The following CFAP47 variants were observed in gnomAD, a reference collection of about 807,000 sequenced individuals.
The protein encoded by CFAP47 is cilia and flagella associated protein 47, also known as cilia- and flagella-associated protein 47.
CFAP47 carries 29 observed loss-of-function variants against 148.1 expected under a neutral mutation model. That is an observed-to-expected ratio of 0.20 (90% confidence interval 0.15 to 0.27). The LOEUF (loss-of-function observed/expected upper bound fraction) is 0.27. Ranked by LOEUF, CFAP47 falls within the 10% of genes least tolerant of loss-of-function variation. The pLI is 1.00. For missense variants in CFAP47, 1,872 were observed against 1,697.5 expected, an observed-to-expected ratio of 1.10 and a Z score of -1.81; for synonymous variants, 664 against 577.3, an observed-to-expected ratio of 1.15 and a Z score of -2.15.
chrX:36,103,824 A>G (rs1938422489), intron 32 of CFAP47, among the ~76,000 whole-genome samples: 1 of 111,719 alleles, frequency 9.0e-6, no homozygotes, highest in Non-Finnish European at 1.9e-5. Flanking sequence ...GAACTTGTAG[A>G]CAATGGTTAG....
At chrX:36,372,220 T>G (rs782168370) in intron 62 of CFAP47, among the ~76,000 whole-genome samples, 59 of 110,066 alleles carry the variant, frequency 5.4e-4, no homozygotes, top group Non-Finnish European at 4.6e-4. Flanking sequence ...TGATGGCATA[T>G]AAAGAAAACT....
chrX:36,271,709 G>A (rs1389612227), intron 49 of CFAP47, among the ~76,000 whole-genome samples: 1 of 111,939 alleles, frequency 8.9e-6, no homozygotes, highest in Non-Finnish European at 1.9e-5. Context: ...TAAGTAGGAT[G>A]AGACATCATT....
chrX:36,355,451 C>T (rs1015603002), intron 60 of CFAP47, among the ~76,000 whole-genome samples: 2 of 111,320 alleles, frequency 1.8e-5, no homozygotes, highest in Non-Finnish European at 3.8e-5. Flanking sequence ...TTAACAATAG[C>T]CAAGATATAG....
At chrX:36,173,524 A>G (rs1312195108) in intron 39 of CFAP47, among the ~76,000 whole-genome samples, 1 of 111,472 alleles carries the variant, frequency 9.0e-6, no homozygotes, top group Non-Finnish European at 1.9e-5. Flanking sequence ...GGTTTCAAAG[A>G]ACATCTTTAT....
In CFAP47 at chrX:36,261,320, C is replaced by CTTTTTT. The variant is rs143068749; in HGVS notation, c.7444+9895_7444+9900dup. On this transcript the variant is annotated intron_variant, in intron 49 of 63. Transcript: ENST00000378653. ...GCCACCCTATCAGTTAGATACTATT[C>CTTTTTT]TTTTTTTTTTTTTTTTTTTTTTTTC... 2.5e-3 allele frequency among the ~76,000 whole-genome samples: 51 copies of CTTTTTT among 20,434 alleles called. 1 individual carries two copies. The highest frequency in any genetic ancestry group is 4.8e-3 in the African/African-American group (19 of 3,984). The allele number at this position is 20,434 out of a possible 115,157, so 17.7% of individuals were successfully genotyped here. A position where few individuals can be genotyped will look rare whatever the true frequency, so the allele number is the denominator to read the frequency against.
chrX:36,262,003 A>AC (rs1299773498), intron 49 of CFAP47, among the ~76,000 whole-genome samples: 10 of 109,870 alleles, frequency 9.1e-5, no homozygotes, highest in Admixed American at 6.1e-4. Context: ...GCGGGGGCTG[A>AC]CCCCCCACCT....
intron 26 of CFAP47, among the ~76,000 whole-genome samples, chrX:36,056,455 C>T (rs760173851): frequency 8.9e-6 from 1 of 111,796 alleles, no homozygotes; most frequent in South Asian, 3.7e-4. Flanking sequence ...GCTACTCAGT[C>T]TCTCCTCACT....
At chrX:36,223,322 C>A (rs1206685597) in intron 45 of CFAP47, among the ~76,000 whole-genome samples, 2 of 110,436 alleles carry the variant, frequency 1.8e-5, no homozygotes, top group African/African-American at 3.3e-5. Context: ...AGAAAAAAAG[C>A]CTACATTGAG....
At chrX:36,027,395 T>C (rs1164756458) in intron 22 of CFAP47, among the ~76,000 whole-genome samples, 1 of 109,787 alleles carries the variant, frequency 9.1e-6, no homozygotes, top group East Asian at 2.9e-4. Context: ...TATGTCCATG[T>C]GTCTCCATCG....
rs186946411 is a variant in CFAP47 at position 35,924,122 on chromosome X, T to C, written c.250-1895T>C. ...ATATGTATATATGTACATGTATGCG[T>C]ACATATATGTATATGTGTACATGTA... On this transcript the variant is annotated intron_variant, in intron 1 of 63. Transcript: ENST00000378653. Among the ~76,000 whole-genome samples the C allele has an allele frequency of 2.9e-3, 286 of 100,260 alleles. 2 individuals carry two copies. Among genetic ancestry groups the C allele is most frequent in the Middle Eastern group, 0.011 (2 of 185 alleles). 87.1% of individuals were successfully genotyped at this position (100,260 alleles called of 115,157 possible). A position where few individuals can be genotyped will look rare whatever the true frequency, so the allele number is the denominator to read the frequency against.
chrX:36,284,798 A>G (rs1014814389), intron 50 of CFAP47, among the ~76,000 whole-genome samples: 2 of 111,651 alleles, frequency 1.8e-5, no homozygotes, highest in Non-Finnish European at 3.8e-5. Flanking sequence ...TTTAAACATG[A>G]CAATACTGAT....
chrX:36,169,873 C>G (rs1010162858), intron 39 of CFAP47, among the ~76,000 whole-genome samples: 1 of 111,685 alleles, frequency 9.0e-6, no homozygotes, highest in African/African-American at 3.3e-5. Flanking sequence ...TAGGTGTTCT[C>G]CCTTAAGTCA....
chrX:36,138,869 A>G (rs775620675), intron 35 of CFAP47, among the ~76,000 whole-genome samples: 2 of 111,501 alleles, frequency 1.8e-5, no homozygotes, highest in South Asian at 7.4e-4. Flanking sequence ...ATGTTTGTAT[A>G]GTGGTCATAA....
intron 32 of CFAP47, among the ~76,000 whole-genome samples, chrX:36,102,865 G>T (rs1056025303): frequency 4.5e-5 from 5 of 111,912 alleles, no homozygotes; most frequent in African/African-American, 1.3e-4. Flanking sequence ...AAAGAAGGCA[G>T]TTCCATTAAA....
intron 25 of CFAP47, among the ~76,000 whole-genome samples, chrX:36,041,712 AC>A (rs1383096523): frequency 9.0e-6 from 1 of 110,636 alleles, no homozygotes; most frequent in Non-Finnish European, 1.9e-5. Flanking sequence ...TCACGAGGTC[AC>A]AAGATCGAGA....
At chrX:36,022,822 C>T (rs932290573) in intron 22 of CFAP47, among the ~76,000 whole-genome samples, 21 of 111,309 alleles carry the variant, frequency 1.9e-4, no homozygotes, top group African/African-American at 6.9e-4. Context: ...AAAATTATTT[C>T]CGTCTCTTTG....
intron 48 of CFAP47, among the ~76,000 whole-genome samples, chrX:36,241,715 A>G (rs1940546959): frequency 8.9e-6 from 1 of 111,913 alleles, no homozygotes; most frequent in South Asian, 3.7e-4. Context: ...GTCTTAGAGC[A>G]CTGAGAACAG....
chrX:35,984,244 G>A (rs1163153412), intron 15 of CFAP47, among the ~76,000 whole-genome samples: 1 of 111,199 alleles, frequency 9.0e-6, no homozygotes, highest in Non-Finnish European at 1.9e-5. Context: ...CTATTTTTGT[G>A]TACAGAAGTG....
intron 57 of CFAP47, among the ~76,000 whole-genome samples, chrX:36,335,416 C>A (rs1386886593): frequency 9.0e-6 from 1 of 111,342 alleles, no homozygotes; most frequent in Non-Finnish European, 1.9e-5. Flanking sequence ...ACAAATACCC[C>A]CCGCCTCAAA....
Sources: allele counts gnomAD v4.1 joint callset (sites outside exome capture counted in the v4.1 genomes callset), GRCh38; gene constraint gnomAD v4.1.1; transcripts MANE v1.5; gene names NCBI Gene and HGNC (gene_info 2026-07-23, HGNC 2026-07-21).